Variants in GPHN observed in about 807,000 individuals in gnomAD.
The protein encoded by GPHN is gephyrin.
A neutral mutation model predicts 95.5 loss-of-function variants in GPHN; 17 were observed. The observed-to-expected ratio is 0.18, with a 90% CI of 0.12 to 0.27. The LOEUF is 0.27. GPHN is among the 10% of genes least tolerant of loss of function. The pLI, the probability that GPHN is intolerant of heterozygous loss-of-function variation, is 1.00. For synonymous variants in GPHN, 320 were observed against 322.5 expected, an observed-to-expected ratio of 0.99 and a Z score of 0.08; for missense variants, 660 against 978.1, an observed-to-expected ratio of 0.67 and a Z score of 4.34.
chr14:66,782,666 AAAT>A (rs1489003137), intron 3 of GPHN, among the ~76,000 whole-genome samples: 1 of 152,022 alleles, frequency 6.6e-6, no homozygotes, highest in Non-Finnish European at 1.5e-5. Flanking sequence ...AAAAATACAA[AAAT>A]AATAATAATA....
chr14:67,388,579 A>G, the GPHN span, among the ~76,000 whole-genome samples: 58 of 152,224 alleles, frequency 3.8e-4, no homozygotes, highest in African/African-American at 1.3e-3. Flanking sequence ...AGATGTCTCA[A>G]ACAGAGCCTC....
chr14:67,279,331 C>T, the GPHN span: 2 of 1,613,584 alleles, frequency 1.2e-6, no homozygotes, highest in Non-Finnish European at 1.7e-6. Context: ...CGTCGAAGTG[C>T]ACAGTTGGAG....
intron 11 of GPHN, among the ~76,000 whole-genome samples, chr14:67,081,517 A>T (rs1020517901): frequency 5.9e-5 from 9 of 151,968 alleles, no homozygotes; most frequent in Non-Finnish European, 1.2e-4. Context: ...CAGATGTGTA[A>T]ATTGTGAAGA....
At chr14:67,559,353 G>A in the GPHN span, among the ~76,000 whole-genome samples, 4 of 152,152 alleles carry the variant, frequency 2.6e-5, no homozygotes, top group African/African-American at 4.8e-5. Context: ...GAGGCACAGC[G>A]TTCTCCTTCC....
intron 9 of GPHN, among the ~76,000 whole-genome samples, chr14:66,979,677 C>G (rs2070514379): frequency 6.6e-6 from 1 of 152,226 alleles, no homozygotes; most frequent in African/African-American, 2.4e-5. Context: ...CATATGTTCA[C>G]TGGCGTACCA....
the GPHN span, chr14:67,340,268 G>C: frequency 1.7e-6 from 1 of 576,286 alleles, no homozygotes; most frequent in Non-Finnish European, 3.0e-6. Flanking sequence ...TGTAAAATTT[G>C]ACAGATTTGT....
chr14:66,557,221 A>T (rs1594952294), intron 1 of GPHN, among the ~76,000 whole-genome samples: 1 of 142,632 alleles, frequency 7.0e-6, no homozygotes, highest in South Asian at 2.3e-4. Context: ...AGATAGATAG[A>T]TAGATACATA....
intron 2 of GPHN, among the ~76,000 whole-genome samples, chr14:66,735,114 G>A (rs2072138281): frequency 6.6e-6 from 1 of 152,098 alleles, no homozygotes; most frequent in South Asian, 2.1e-4. Context: ...CTTTACAAAA[G>A]CCATAATTAA....
chr14:67,225,828 C>A, the GPHN span, among the ~76,000 whole-genome samples: 1 of 152,030 alleles, frequency 6.6e-6, no homozygotes, highest in Non-Finnish European at 1.5e-5. Flanking sequence ...CTTCTCTCAG[C>A]CATGATAACA....
chr14:66,955,398 C>G (rs1404452581), intron 8 of GPHN, among the ~76,000 whole-genome samples: 4 of 151,990 alleles, frequency 2.6e-5, no homozygotes, highest in African/African-American at 9.7e-5. Context: ...TACAGTTGTT[C>G]CTAGTATTTA....
chr14:67,390,612 T>TAC, the GPHN span: 2 of 1,248,048 alleles, frequency 1.6e-6, no homozygotes, highest in Non-Finnish European at 1.2e-6. Context: ...GAGAGGAGTG[T>TAC]CTGGGGGCAT....
the GPHN span, among the ~76,000 whole-genome samples, chr14:67,443,715 G>T: frequency 0.014 from 2,200 of 152,248 alleles, 26 homozygotes; most frequent in Middle Eastern, 0.048. Flanking sequence ...CTATGATCAT[G>T]CCTGTGAATA....
chr14:67,373,674 C>G, the GPHN span, among the ~76,000 whole-genome samples: 1 of 152,160 alleles, frequency 6.6e-6, no homozygotes, highest in Non-Finnish European at 1.5e-5. Flanking sequence ...CTTAACCTTT[C>G]ATGGGTTTTA....
intron 8 of GPHN, among the ~76,000 whole-genome samples, chr14:66,948,001 A>G (rs1224180154): frequency 6.6e-6 from 1 of 152,222 alleles, no homozygotes; most frequent in Non-Finnish European, 1.5e-5. Context: ...AGTAGTCACC[A>G]TATTCTGTTC....
At chr14:66,973,639 A>G (rs10136073) in intron 9 of GPHN, among the ~76,000 whole-genome samples, 34,629 of 151,942 alleles carry the variant, frequency 0.23, 7,724 homozygotes, top group African/African-American at 0.54. Flanking sequence ...GGCGCCTGTA[A>G]TCCCAGCTAC....
intron 1 of GPHN, among the ~76,000 whole-genome samples, chr14:66,661,203 C>G (rs558091006): frequency 3.9e-5 from 6 of 152,264 alleles, no homozygotes; most frequent in South Asian, 2.1e-4. Flanking sequence ...AGGATAAGAC[C>G]CACTGGCTTG....
chr14:66,817,320 A>G (rs2061013747), intron 3 of GPHN, among the ~76,000 whole-genome samples: 1 of 152,140 alleles, frequency 6.6e-6, no homozygotes. Flanking sequence ...AACTTATATA[A>G]TCATATTCTT....
the GPHN span, among the ~76,000 whole-genome samples, chr14:67,407,533 T>C: frequency 2.6e-5 from 4 of 151,970 alleles, no homozygotes; most frequent in African/African-American, 9.7e-5. Flanking sequence ...CTCAAACCCC[T>C]GGGCTCAAGC....
intron 13 of GPHN, among the ~76,000 whole-genome samples, chr14:67,102,093 C>T (rs182609922): frequency 9.9e-5 from 15 of 151,742 alleles, no homozygotes; most frequent in South Asian, 2.1e-4. Flanking sequence ...AGGATGGTCT[C>T]GATCTCCTGA....
Sources: gnomAD v4.1 joint callset for allele counts (sites outside exome capture counted in the v4.1 genomes callset) on GRCh38, gnomAD v4.1.1 for gene constraint, MANE v1.5 for transcripts, NCBI Gene and HGNC (gene_info 2026-07-23, HGNC 2026-07-21) for gene names.